HEPH: variants seen among roughly 807,000 people sequenced by gnomAD.
The protein encoded by HEPH is hephaestin.
HEPH carries 69 observed loss-of-function variants against 80.8 expected under a neutral mutation model. That is an observed-to-expected ratio of 0.85 (90% CI 0.70 to 1.04). The LOEUF is 1.04. Among genes scored for constraint, HEPH ranks in the 50% least tolerant of loss-of-function variants. HEPH has a pLI of 0.00. For synonymous variants in HEPH, 431 were observed against 322.8 expected (o/e 1.34, Z -3.60); for missense variants, 1,115 against 891.3 (o/e 1.25, Z -3.20).
intron 15 of HEPH, among the ~76,000 whole-genome samples, chrX:66,246,338 G>A (rs1341685861): frequency 8.9e-6 from 1 of 111,785 alleles, no homozygotes; most frequent in Non-Finnish European, 1.9e-5. Flanking sequence ...ACAGCAGGGG[G>A]CTACAGATGT....
chrX:66,217,402 A>C (rs2089443324), intron 15 of HEPH, among the ~76,000 whole-genome samples: 1 of 111,884 alleles, frequency 8.9e-6, no homozygotes, highest in African/African-American at 3.2e-5. Flanking sequence ...CTAAACAATT[A>C]TCAGCCAAGA....
chrX:66,179,582 T>C (rs1400313537), intron 4 of HEPH, among the ~76,000 whole-genome samples: 3 of 111,733 alleles, frequency 2.7e-5, no homozygotes, highest in Non-Finnish European at 5.6e-5. Flanking sequence ...GCCTATTTGT[T>C]CCAAGGTATA....
intron 15 of HEPH, among the ~76,000 whole-genome samples, chrX:66,209,981 A>T (rs992360678): frequency 8.9e-6 from 1 of 111,769 alleles, no homozygotes; most frequent in Admixed American, 9.5e-5. Context: ...TGTGGGAAGC[A>T]TCAACATCTA....
Position 66,173,677 on chromosome X carries a change from T to A in HEPH, c.501T>A (p.Ile167=). The A allele has an allele frequency of 8.3e-7, 1 of 1,210,166 alleles. No individual in the cohort carries two copies. Among genetic ancestry groups the A allele is most frequent in the Non-Finnish European group, 1.1e-6 (1 of 894,602 alleles). Residue 167 remains isoleucine (I), a synonymous_variant, in exon 4 of 21, where the codon ATT becomes ATA. Transcript: ENST00000343002. ...PGGSHIYNWT[I]PEGHAPTDAD... is the part of the protein sequence containing the mutation. ...GCAGCCATATCTACAACTGGACCATTCCAGAAGGCCATGCACCCACCGATG... is the reference window on the plus strand; with the variant it reads ...GCAGCCATATCTACAACTGGACCATACCAGAAGGCCATGCACCCACCGATG...
At chrX:66,245,335 C>T (rs747590357) in intron 15 of HEPH, among the ~76,000 whole-genome samples, 1 of 111,277 alleles carries the variant, frequency 9.0e-6, no homozygotes, top group South Asian at 3.9e-4. Flanking sequence ...CAATCCTAGT[C>T]TCTGATAAAA....
chrX:66,180,917 A>G (rs1458927893), intron 4 of HEPH, among the ~76,000 whole-genome samples: 2 of 93,646 alleles, frequency 2.1e-5, no homozygotes, highest in African/African-American at 4.0e-5. Flanking sequence ...CTCATTGTTC[A>G]ATTCCCACCT....
chrX:66,177,123 A>G (rs1458216016), intron 4 of HEPH, among the ~76,000 whole-genome samples: 2 of 112,002 alleles, frequency 1.8e-5, no homozygotes, highest in Non-Finnish European at 1.9e-5. Context: ...ATTTACAAGA[A>G]AAAAACAAAC....
At chrX:66,263,806 A>G (rs1486082505) in intron 20 of HEPH, 118 bp downstream of exon 20, 2 of 676,414 alleles carry the variant, frequency 3.0e-6, no homozygotes, top group African/African-American at 4.4e-5. Context: ...ACATCAGCAG[A>G]AAGTATCCTG....
chrX:66,186,498 A>C (rs1485863320), intron 4 of HEPH, among the ~76,000 whole-genome samples: 1 of 112,456 alleles, frequency 8.9e-6, no homozygotes, highest in East Asian at 2.8e-4. Context: ...TCTTTGACTC[A>C]GAAAGGGAAC....
At chrX:66,223,519 A>G (rs1196761606) in intron 15 of HEPH, among the ~76,000 whole-genome samples, 1 of 111,617 alleles carries the variant, frequency 9.0e-6, no homozygotes, top group Non-Finnish European at 1.9e-5. Flanking sequence ...TTAATGTCGG[A>G]CCATAAGGTA....
chrX:66,235,011 G>T (rs957514591), intron 15 of HEPH, among the ~76,000 whole-genome samples: 6 of 110,539 alleles, frequency 5.4e-5, no homozygotes, highest in African/African-American at 2.0e-4. Flanking sequence ...TTTGAGAAGG[G>T]TCTGTTCATG....
chrX:66,263,724 A>G, intron 20 of HEPH, 36 bp downstream of exon 20: 2 of 1,169,658 alleles, frequency 1.7e-6, no homozygotes, highest in Non-Finnish European at 2.3e-6. Context: ...GTACTTATAC[A>G]TAGTGTGTCT....
intron 17 of HEPH, 60 bp from the exon 18 acceptor site, chrX:66,258,780 A>G (rs1360161691): frequency 3.0e-6 from 3 of 997,349 alleles, no homozygotes; most frequent in Non-Finnish European, 4.0e-6. Flanking sequence ...TGGGAAGTCC[A>G]AAGGAGAGAT....
Position 66,197,858 on chromosome X carries a change from GT to G in HEPH, c.1678del (p.Cys560AlafsTer111). On this transcript the variant is annotated frameshift_variant, in exon 10 of 21. Coordinates refer to ENST00000343002, the MANE Select transcript of HEPH (RefSeq NM_001367233.3). LOFTEE classifies it high-confidence loss of function. ...NSGLVGPLLVCRAGALGADGK... is the reference protein window; with the variant it reads ...NSGLVGPLLVXRAGALGADGK... ...CTGGCCTGGTGGGCCCGCTGCTGGT[GT>G]GCAGGGCTGGTGCCTTGGGTGCAGA... 4 of 1,206,360 alleles carry G rather than the reference GT, an allele frequency of 3.3e-6. No homozygotes were observed. The highest frequency in any genetic ancestry group is 4.5e-6 in the Non-Finnish European group (4 of 892,724).
intron 11 of HEPH, among the ~76,000 whole-genome samples, chrX:66,199,998 G>A (rs779216545): frequency 9.2e-6 from 1 of 108,275 alleles, no homozygotes; most frequent in Non-Finnish European, 1.9e-5. Flanking sequence ...CAGAGAGGAG[G>A]CTATTTTAGT....
upstream of HEPH, chrX:66,162,749 C>T (rs970658968): frequency 3.5e-6 from 4 of 1,153,653 alleles, no homozygotes; most frequent in Non-Finnish European, 4.6e-6. Context: ...TTTGCCCTAC[C>T]ACCTCAGTCT....
chrX:66,192,208 A>G lies in HEPH; in HGVS notation c.1142A>G (p.Gln381Arg), dbSNP rs1282982252. Residue 381 changes from glutamine to arginine, a missense_variant, in exon 7 of 21, where the codon CAG becomes CGG. Gln to Arg is a conservative substitution (Grantham distance 43). Coordinates refer to ENST00000343002, the MANE Select transcript of HEPH (RefSeq NM_001367233.3). ...GACCTGCTCACAGGCAAAGTTCGAC[A>G]GTACTTCATTGAGGCCCATGAGATT... ...PVDLLTGKVRQYFIEAHEIQW... is the reference protein window; with the variant it reads ...PVDLLTGKVRRYFIEAHEIQW... The G allele has an allele frequency of 7.4e-6, 9 of 1,211,013 alleles. No homozygotes were observed. The highest frequency in any genetic ancestry group is 1.0e-5 in the Non-Finnish European group (9 of 894,958).
chrX:66,199,142 A>G (rs1247159979), intron 11 of HEPH, 114 bp downstream of exon 11: 21 of 750,272 alleles, frequency 2.8e-5, no homozygotes, highest in Non-Finnish European at 4.1e-5. Context: ...TCTCTGTCCA[A>G]GAGGCGAGCT....
intron 3 of HEPH, 27 bp downstream of exon 3, chrX:66,172,626 C>T: frequency 9.0e-7 from 1 of 1,105,405 alleles, no homozygotes; most frequent in African/African-American, 1.8e-5. Flanking sequence ...TTTCTTTCCC[C>T]CATGCCCAAC....
Sources: allele counts gnomAD v4.1 joint callset (sites outside exome capture counted in the v4.1 genomes callset), GRCh38; gene constraint gnomAD v4.1.1; transcripts MANE v1.5; gene names NCBI Gene and HGNC (gene_info 2026-07-23, HGNC 2026-07-21).